Variants in SLC39A14 observed in about 807,000 individuals in gnomAD.
SLC39A14 encodes the protein metal cation symporter ZIP14.
In SLC39A14, 19 loss-of-function variants were observed where a neutral mutation model predicts 45.5. That is an observed-to-expected ratio of 0.42 (90% CI 0.29 to 0.61). SLC39A14 has a LOEUF of 0.61. SLC39A14 is among the 20% of genes least tolerant of loss of function. The pLI is 0.22. For synonymous variants in SLC39A14, 264 were observed against 251.3 expected, an observed-to-expected ratio of 1.05 and a Z score of -0.48; for missense variants, 447 against 616.5, an observed-to-expected ratio of 0.73 and a Z score of 2.91.
chr8:22,419,966 A>G lies in SLC39A14; in HGVS notation c.*268A>G. On this transcript the variant is annotated 3_prime_UTR_variant, in exon 9 of 9. Transcript: ENST00000381237. ...ACTCTGGAACCTGAATGCAGCTTACAAGACAAGCCTGACTTTTTTCTCTGA... is the reference window on the plus strand; with the variant it reads ...ACTCTGGAACCTGAATGCAGCTTACGAGACAAGCCTGACTTTTTTCTCTGA... The G allele has an allele frequency of 8.6e-7, 1 of 1,158,066 alleles. No homozygotes were observed. Among genetic ancestry groups the G allele is most frequent in the African/African-American group, 1.6e-5 (1 of 63,338 alleles). The allele number at this position is 1,158,066 out of a possible 1,614,324, so 71.7% of individuals were successfully genotyped here.
At chr8:22,396,279 A>C (rs984637620) in intron 1 of SLC39A14, among the ~76,000 whole-genome samples, 3 of 150,976 alleles carry the variant, frequency 2.0e-5, no homozygotes, top group African/African-American at 7.3e-5. Flanking sequence ...AGGCAGGAGA[A>C]TCGCTTGAAC....
chr8:22,423,756 C>T (rs1046649948), downstream of SLC39A14, among the ~76,000 whole-genome samples: 4 of 140,916 alleles, frequency 2.8e-5, no homozygotes, highest in South Asian at 4.8e-4. Context: ...CATGAGCCAC[C>T]GCGCCTGGCC....
chr8:22,401,060 T>C (rs1343961138), intron 1 of SLC39A14, among the ~76,000 whole-genome samples: 1 of 152,198 alleles, frequency 6.6e-6, no homozygotes, highest in Admixed American at 6.5e-5. Flanking sequence ...AGAGGGAGAC[T>C]GGGTTGCTTG....
intron 2 of SLC39A14, among the ~76,000 whole-genome samples, chr8:22,408,096 C>A (rs996363124): frequency 3.3e-5 from 5 of 152,206 alleles, no homozygotes; most frequent in African/African-American, 1.2e-4. Context: ...TGTAACTTTC[C>A]TGGCTGGCTG....
intron 1 of SLC39A14, among the ~76,000 whole-genome samples, chr8:22,396,291 C>T (rs1236727384): frequency 1.3e-5 from 2 of 149,610 alleles, no homozygotes; most frequent in South Asian, 2.1e-4. Context: ...CGCTTGAACC[C>T]GGGAGGCGGA....
chr8:22,373,163 T>C (rs1023418215), intron 1 of SLC39A14, among the ~76,000 whole-genome samples: 1 of 151,278 alleles, frequency 6.6e-6, no homozygotes, highest in Non-Finnish European at 1.5e-5. Flanking sequence ...CTCTGGAGGC[T>C]GAGGCAGGAG....
intron 7 of SLC39A14, 59 bp downstream of exon 7, chr8:22,416,339 C>A: frequency 6.9e-7 from 1 of 1,441,060 alleles, no homozygotes; most frequent in Non-Finnish European, 9.7e-7. Context: ...AGGCCCCCTT[C>A]CTGTGGCCGG....
chr8:22,382,890 T>C (rs920749530), intron 1 of SLC39A14, among the ~76,000 whole-genome samples: 16 of 151,986 alleles, frequency 1.1e-4, no homozygotes, highest in Non-Finnish European at 1.8e-4. Context: ...TAATTTTTTT[T>C]TTTTTTTGGT....
chr8:22,380,447 C>G (rs545499607), intron 1 of SLC39A14, among the ~76,000 whole-genome samples: 1 of 152,290 alleles, frequency 6.6e-6, no homozygotes, highest in East Asian at 1.9e-4. Context: ...CCATCAGCAC[C>G]TCTCTAGCCC....
intron 2 of SLC39A14, among the ~76,000 whole-genome samples, chr8:22,407,583 A>C (rs1374991529): frequency 2.0e-5 from 3 of 149,812 alleles, no homozygotes; most frequent in African/African-American, 7.4e-5. Context: ...CTGGTTTTGA[A>C]CTCCTGACCT....
chr8:22,377,368 A>T (rs928361269), intron 1 of SLC39A14, among the ~76,000 whole-genome samples: 2 of 152,062 alleles, frequency 1.3e-5, no homozygotes, highest in Non-Finnish European at 2.9e-5. Flanking sequence ...AGAGTCAGGC[A>T]CTTCTCCACG....
rs1287845587 is a variant in SLC39A14, at chr8:22,421,750, C to CA, written c.*2053dup. The CA allele has an allele frequency of 1.2e-5, 12 of 984,176 alleles. 1 individual carries two copies. Among genetic ancestry groups the CA allele is most frequent in the Non-Finnish European group, 1.1e-5 (9 of 828,752 alleles). 61.0% of individuals were successfully genotyped at this position (984,176 alleles called of 1,614,324 possible). A position where few individuals can be genotyped will look rare whatever the true frequency, so the allele number is the denominator to read the frequency against. On this transcript the variant is annotated 3_prime_UTR_variant, in exon 9 of 9. Coordinates refer to ENST00000381237, the MANE Select transcript of SLC39A14 (RefSeq NM_001128431.4). ...CCAATAGATCCTATCATTCCTTAAA[C>CA]ATAATACCCTTTGTCTTGGAGTAGA...
At chr8:22,371,543 C>T (rs541581289) in intron 1 of SLC39A14, among the ~76,000 whole-genome samples, 59 of 147,222 alleles carry the variant, frequency 4.0e-4, no homozygotes, top group African/African-American at 1.4e-3. Flanking sequence ...AAGCAATTCT[C>T]TGCCCCAGCC....
chr8:22,418,593 G>A (rs1444513069), intron 8 of SLC39A14, among the ~76,000 whole-genome samples: 1 of 151,496 alleles, frequency 6.6e-6, no homozygotes, highest in African/African-American at 2.4e-5. Context: ...AGTGCAGTGT[G>A]TGATCATAGG....
intron 1 of SLC39A14, among the ~76,000 whole-genome samples, chr8:22,397,524 G>A (rs1333575910): frequency 1.3e-5 from 2 of 152,042 alleles, no homozygotes; most frequent in Admixed American, 6.6e-5. Flanking sequence ...CTTGCAGTGA[G>A]CCGAGATAGC....
chr8:22,402,180 G>C (rs1834910230), intron 1 of SLC39A14, among the ~76,000 whole-genome samples: 1 of 152,108 alleles, frequency 6.6e-6, no homozygotes, highest in Non-Finnish European at 1.5e-5. Flanking sequence ...AGGAGATTGA[G>C]ACCATCCTGG....
At chr8:22,391,048 T>G (rs1834045716) in intron 1 of SLC39A14, among the ~76,000 whole-genome samples, 1 of 152,198 alleles carries the variant, frequency 6.6e-6, no homozygotes, top group South Asian at 2.1e-4. Flanking sequence ...CTCCATGGCA[T>G]CCCAGCTCTG....
intron 1 of SLC39A14, among the ~76,000 whole-genome samples, chr8:22,394,327 C>CT (rs139730659): frequency 0.014 from 1,842 of 132,012 alleles, 42 homozygotes; most frequent in African/African-American, 0.045. Context: ...TTTATTATGT[C>CT]TTTTTTTTTT....
chr8:22,370,465 A>G (rs1374198847), intron 1 of SLC39A14, among the ~76,000 whole-genome samples: 5 of 152,146 alleles, frequency 3.3e-5, no homozygotes, highest in Admixed American at 3.3e-4. Context: ...GCTGAGCCCC[A>G]CAACCATGGA....
Sources: gnomAD v4.1 joint callset for allele counts (sites outside exome capture counted in the v4.1 genomes callset) on GRCh38, gnomAD v4.1.1 for gene constraint, MANE v1.5 for transcripts, NCBI Gene and HGNC (gene_info 2026-07-23, HGNC 2026-07-21) for gene names.